Variants in NOTCH2NLR observed in about 807,000 individuals in gnomAD.
The protein encoded by NOTCH2NLR is notch 2 N-terminal like R.
In NOTCH2NLR, 33 loss-of-function variants were observed where a neutral mutation model predicts 35.6. The ratio of observed to expected loss-of-function variants is 0.93; its 90% confidence interval spans 0.70 to 1.24. The LOEUF (loss-of-function observed/expected upper bound fraction) is 1.24. NOTCH2NLR is among the 50% of genes most tolerant of loss of function. NOTCH2NLR has a pLI of 0.00. For synonymous variants in NOTCH2NLR, 103 were observed against 141.0 expected, an observed-to-expected ratio of 0.73 and a Z score of 1.91; for missense variants, 276 against 362.2, an observed-to-expected ratio of 0.76 and a Z score of 1.93.
rs1221707766 is a variant in NOTCH2NLR, at chr1:120,762,504, TG to T, written c.74-1122del. The stretch of plus-strand genomic sequence containing the variant: ...TGCACAATTTATGCATAGAGTGGTG[TG>T]GTTAGAGGAAACTTGGAGGGGGGAA... On this transcript the variant is annotated intron_variant, in intron 1 of 4. Coordinates refer to ENST00000624419, the Ensembl canonical transcript of NOTCH2NLR. 3.0e-4 allele frequency among the ~76,000 whole-genome samples: 34 copies of T among 114,340 alleles called. 11 individuals carry two copies. Among genetic ancestry groups the T allele is most frequent in the African/African-American group, 1.4e-3 (30 of 21,644 alleles). The allele number at this position is 114,340 out of a possible 152,430, so 75.0% of individuals were successfully genotyped here. A position where few individuals can be genotyped will look rare whatever the true frequency, so the allele number is the denominator to read the frequency against.
chr1:120,785,135 C>G, exon 3 of NOTCH2NLR: 1 of 1,446,540 alleles, frequency 6.9e-7, no homozygotes, highest in Non-Finnish European at 9.2e-7. Flanking sequence ...TACTCGACAC[C>G]TCATCCATGC....
chr1:120,793,362 A>G, exon 4 of NOTCH2NLR: 1 of 1,424,990 alleles, frequency 7.0e-7, no homozygotes, highest in Non-Finnish European at 9.4e-7. Flanking sequence ...GGTTCCTACC[A>G]GTGCCAGTGC....
intron 2 of NOTCH2NLR, among the ~76,000 whole-genome samples, chr1:120,778,106 C>A (rs1651319394): frequency 1.2e-5 from 1 of 84,514 alleles, no homozygotes; most frequent in African/African-American, 9.5e-5. Context: ...AGTAGGGGGG[C>A]AGGAAACTAA....
intron 2 of NOTCH2NLR, among the ~76,000 whole-genome samples, chr1:120,784,693 T>C (rs1651401918): frequency 8.4e-6 from 1 of 118,484 alleles, no homozygotes; most frequent in Non-Finnish European, 1.6e-5. Context: ...CCATCTATTG[T>C]GCATCTTTTA....
exon 3 of NOTCH2NLR, chr1:120,785,143 T>A: frequency 6.9e-7 from 1 of 1,446,676 alleles, no homozygotes; most frequent in Non-Finnish European, 9.2e-7. Context: ...ACCTCATCCA[T>A]GCTTTGTGTC....
At position 120,724,492 on chromosome 1, in the gene NOTCH2NLR, C is replaced by T. The variant is rs1213294614; in HGVS notation, c.73+242C>T. On this transcript the variant is annotated intron_variant, in intron 1 of 4. Transcript: ENST00000624419. ...GCGGCCCGGGACCCCTCACACGCCT[C>T]CTCGGCAGGAGGGAGGCCGGCAGCA... is the stretch of plus-strand genomic sequence containing the variant. 9.1e-5 allele frequency among the ~76,000 whole-genome samples: 11 copies of T among 121,270 alleles called. 3 individuals carry two copies. Among genetic ancestry groups the T allele is most frequent in the Non-Finnish European group, 1.8e-4 (11 of 61,338 alleles). 79.6% of individuals were successfully genotyped at this position (121,270 alleles called of 152,430 possible). A position where few individuals can be genotyped will look rare whatever the true frequency, so the allele number is the denominator to read the frequency against.
At chr1:120,752,530 A>ATG (rs1230439560) in intron 1 of NOTCH2NLR, among the ~76,000 whole-genome samples, 2 of 13,316 alleles carry the variant, frequency 1.5e-4, no homozygotes, top group East Asian at 2.6e-3. Context: ...ATATATATAT[A>ATG]TATATATATA....
intron 2 of NOTCH2NLR, among the ~76,000 whole-genome samples, chr1:120,764,139 C>G (rs1325612587): frequency 9.0e-6 from 1 of 111,280 alleles, no homozygotes; most frequent in East Asian, 2.1e-4. Flanking sequence ...CCCAGCTACT[C>G]GGGAGGCTGA....
rs1415887415 is a variant in NOTCH2NLR at position 120,724,246 on chromosome 1, G to C, written c.69G>C (p.Ala23=). ...TCTGGCTGTGCTGGGCGGCCCCCGC[G>C]CATGGTGAGTATCGGGCTGAGGGGC... Residue 23 remains alanine (A), a synonymous_variant, in exon 1 of 5, where the codon GCG becomes GCC. Transcript: ENST00000624419. The C allele has an allele frequency of 4.1e-5, 58 of 1,401,216 alleles. 19 individuals are homozygous for C. The African/African-American group carries it at 1.1e-3, about 28-fold the overall frequency. 86.8% of individuals were successfully genotyped at this position (1,401,216 alleles called of 1,614,324 possible).
chr1:120,724,672 G>T (rs1650797658), intron 1 of NOTCH2NLR, among the ~76,000 whole-genome samples: 1 of 124,338 alleles, frequency 8.0e-6, no homozygotes, highest in Admixed American at 7.5e-5. Context: ...GAGAGCGGGG[G>T]CAGGGCCGCC....
In NOTCH2NLR at chr1:120,779,560, T is replaced by A. The variant is rs1183693091; in HGVS notation, c.156-5414T>A. ...TAAACTCCCTACAGGAGGGAAACAT[T>A]CATATAGTTTTGCGGATGAAAGGCA... On this transcript the variant is annotated intron_variant, in intron 2 of 4. Transcript: ENST00000624419. Among the ~76,000 whole-genome samples, 5 of 120,676 alleles carry A rather than the reference T, an allele frequency of 4.1e-5. 2 individuals are homozygous for A. The highest frequency in any genetic ancestry group is 6.8e-5 in the Non-Finnish European group (4 of 58,776). 79.2% of individuals were successfully genotyped at this position (120,676 alleles called of 152,430 possible). A position where few individuals can be genotyped will look rare whatever the true frequency, so the allele number is the denominator to read the frequency against.
In NOTCH2NLR at chr1:120,727,432, A is replaced by C. The variant is rs1258315403; in HGVS notation, c.73+3182A>C. Among the ~76,000 whole-genome samples the C allele has an allele frequency of 5.8e-4, 67 of 116,042 alleles. 14 individuals carry two copies. Among genetic ancestry groups the C allele is most frequent in the East Asian group, 2.5e-3 (12 of 4,732 alleles). The allele number at this position is 116,042 out of a possible 152,430, so 76.1% of individuals were successfully genotyped here. A position where few individuals can be genotyped will look rare whatever the true frequency, so the allele number is the denominator to read the frequency against. ...AAATTGCTAACATAAGAGATATAGA[A>C]TATAATGTCATTTCTTCTGTTTATC... On this transcript the variant is annotated intron_variant, in intron 1 of 4. Transcript: ENST00000624419.
intron 1 of NOTCH2NLR, among the ~76,000 whole-genome samples, chr1:120,728,392 C>G (rs1307954433): frequency 9.3e-6 from 1 of 107,526 alleles, no homozygotes; most frequent in South Asian, 2.8e-4. Context: ...GGGGAAAAAC[C>G]AAATTTTTCC....
intron 1 of NOTCH2NLR, among the ~76,000 whole-genome samples, chr1:120,735,189 G>T (rs1455292211): frequency 1.6e-5 from 1 of 64,200 alleles, no homozygotes; most frequent in Non-Finnish European, 2.9e-5. Context: ...TCAGCCTCCC[G>T]AGTAGCTGGA....
At position 120,784,269 on chromosome 1, in the gene NOTCH2NLR, C is replaced by G. The variant is rs1324972960; in HGVS notation, c.156-705C>G. On this transcript the variant is annotated intron_variant, in intron 2 of 4. Coordinates refer to ENST00000624419, the Ensembl canonical transcript of NOTCH2NLR. Reference sequence around the variant, plus strand: ...AAAGCAAATATATGGTTCTGTACACCGGCTTTAGGAGAGTAAGTCTGTTGT... The same window carrying G: ...AAAGCAAATATATGGTTCTGTACACGGGCTTTAGGAGAGTAAGTCTGTTGT... Among the ~76,000 whole-genome samples the G allele has an allele frequency of 1.7e-4, 20 of 117,400 alleles. 2 individuals are homozygous for G. The highest frequency in any genetic ancestry group is 7.0e-4 in the African/African-American group (14 of 19,990). 77.0% of individuals were successfully genotyped at this position (117,400 alleles called of 152,430 possible). A position where few individuals can be genotyped will look rare whatever the true frequency, so the allele number is the denominator to read the frequency against.
At chr1:120,777,640 G>T (rs1651313475) in intron 2 of NOTCH2NLR, among the ~76,000 whole-genome samples, 2 of 28,468 alleles carry the variant, frequency 7.0e-5, no homozygotes, top group Non-Finnish European at 1.1e-4. Context: ...GTAAGCTATA[G>T]TATTTCCTTT....
downstream of NOTCH2NLR, among the ~76,000 whole-genome samples, chr1:120,794,224 T>C (rs1431964867): frequency 1.5e-4 from 17 of 114,524 alleles, 3 homozygotes; most frequent in South Asian, 3.8e-3. Flanking sequence ...AAGATAGAAA[T>C]AAAAAGAGGA....
downstream of NOTCH2NLR, among the ~76,000 whole-genome samples, chr1:120,794,803 GT>G (rs1372869859): frequency 3.0e-5 from 1 of 33,546 alleles, no homozygotes. Context: ...ATTACTTTTA[GT>G]TTCTCTTTTA....
Position 120,765,241 on chromosome 1 carries a change from C to G in NOTCH2NLR, c.155+1532C>G, listed in dbSNP as rs1283396616. ...AGATAATAAGGGAGGGAACTTAATA[C>G]CTTAGAGTAGGCCACTGAAATCTTG... is the stretch of plus-strand genomic sequence containing the variant. On this transcript the variant is annotated intron_variant, in intron 2 of 4. Transcript: ENST00000624419. 1.9e-5 allele frequency among the ~76,000 whole-genome samples: 2 copies of G among 102,922 alleles called. 1 individual carries two copies. Among genetic ancestry groups the G allele is most frequent in the Non-Finnish European group, 3.7e-5 (2 of 53,802 alleles). The allele number at this position is 102,922 out of a possible 152,430, so 67.5% of individuals were successfully genotyped here.
Sources: allele counts gnomAD v4.1 joint callset (sites outside exome capture counted in the v4.1 genomes callset), GRCh38; gene constraint gnomAD v4.1.1; transcripts MANE v1.5; gene names NCBI Gene and HGNC (gene_info 2026-07-23, HGNC 2026-07-21).